Variants in R3HDM2 observed in about 807,000 individuals in gnomAD.
R3HDM2 encodes the protein R3H domain-containing protein 2.
A neutral mutation model predicts 124.5 loss-of-function variants in R3HDM2; 38 were observed. The ratio of observed to expected loss-of-function variants is 0.31; its 90% confidence interval spans 0.24 to 0.40. The LOEUF (loss-of-function observed/expected upper bound fraction) is 0.40, where lower values mean the gene tolerates loss of function less well. Ranked by LOEUF, R3HDM2 falls within the 10% of genes least tolerant of loss-of-function variation. R3HDM2 has a pLI of 1.00. For missense variants in R3HDM2, 869 were observed against 1,236.9 expected (o/e 0.70, Z 4.46); for synonymous variants, 391 against 448.0 (o/e 0.87, Z 1.61).
At chr12:57,255,713 G>A (rs925518787) in intron 23 of R3HDM2, among the ~76,000 whole-genome samples, 1 of 152,184 alleles carries the variant, frequency 6.6e-6, no homozygotes, top group Non-Finnish European at 1.5e-5. Flanking sequence ...TCGTAGATTA[G>A]GGACAGGACA....
Position 57,300,184 on chromosome 12 carries a change from G to GAA in R3HDM2, c.208-5_208-4dup. On this transcript the variant is annotated splice_polypyrimidine_tract_variant and splice_region_variant and intron_variant, in intron 4 of 23. Transcript: ENST00000402412. ...ACCAACTTTAGCTTGGAATTAGACT[G>GAA]AAAAAAACAAAAAACAATTTTCAAT... 1 of 1,548,034 alleles carries GAA rather than the reference G, an allele frequency of 6.5e-7. No homozygotes were observed. The highest frequency in any genetic ancestry group is 8.7e-7 in the Non-Finnish European group (1 of 1,145,342).
At position 57,296,160 on chromosome 12, in the gene R3HDM2, G is replaced by A. The variant is rs1397863481; in HGVS notation, c.701+251C>T. On this transcript the variant is annotated intron_variant, in intron 9 of 23. Transcript: ENST00000402412. This position sits in a 1 kb window ranked among gnomAD's most constrained non-coding sequence, Gnocchi z 4.5. ...TGGGATTACAGGCGTCAGCCACTGC[G>A]CCCGGCCATTTTTAAACTTTTTTTT... 6.6e-6 allele frequency among the ~76,000 whole-genome samples: 1 copy of A among 151,778 alleles called. No individual in the cohort carries two copies. Among genetic ancestry groups the A allele is most frequent in the African/African-American group, 2.4e-5 (1 of 41,356 alleles).
At chr12:57,430,497 A>ACCC in intron 1 of R3HDM2, 1 of 381,586 alleles carries the variant, frequency 2.6e-6, no homozygotes. Context: ...CTGCCCCCGC[A>ACCC]CCGCCGCCCT....
chr12:57,415,530 T>C (rs1314086481), intron 1 of R3HDM2: 3 of 152,010 alleles, frequency 2.0e-5, no homozygotes, highest in South Asian at 2.1e-4. Flanking sequence ...CACAGCTGTT[T>C]CTTAATTTTT....
At chr12:57,340,386 A>C (rs557547411) in intron 2 of R3HDM2, among the ~76,000 whole-genome samples, 40 of 152,302 alleles carry the variant, frequency 2.6e-4, no homozygotes, top group African/African-American at 9.4e-4. Context: ...TCAAGATGCA[A>C]GGATGTGGTG....
chr12:57,270,814 C>T (rs953834742), intron 14 of R3HDM2, among the ~76,000 whole-genome samples: 1 of 152,040 alleles, frequency 6.6e-6, no homozygotes, highest in Non-Finnish European at 1.5e-5. Flanking sequence ...AGTGATCAGC[C>T]CGCCTCAGCC....
At chr12:57,382,024 T>G (rs2064963950) in intron 2 of R3HDM2, among the ~76,000 whole-genome samples, 1 of 151,914 alleles carries the variant, frequency 6.6e-6, no homozygotes, top group Non-Finnish European at 1.5e-5. Flanking sequence ...TCTCCCTATG[T>G]TGCCCAGGCT....
At chr12:57,331,856 G>A (rs914385379) in intron 2 of R3HDM2, among the ~76,000 whole-genome samples, 1 of 151,672 alleles carries the variant, frequency 6.6e-6, no homozygotes, top group South Asian at 2.1e-4. Context: ...GGAGCTTGCA[G>A]TGAGCCAAGA....
At chr12:57,410,386 G>C (rs1480248022) in intron 1 of R3HDM2, among the ~76,000 whole-genome samples, 1 of 148,226 alleles carries the variant, frequency 6.7e-6, no homozygotes, top group Non-Finnish European at 1.5e-5. Context: ...AATTACTAAG[G>C]TTCTCCTCAA....
At chr12:57,310,178 C>G in intron 3 of R3HDM2, 86 bp downstream of exon 3, 1 of 1,004,796 alleles carries the variant, frequency 1.0e-6, no homozygotes, top group Non-Finnish European at 1.4e-6. Flanking sequence ...CCACTGCACT[C>G]CAGGTTGGGT....
chr12:57,360,308 A>G (rs781235065), intron 2 of R3HDM2, among the ~76,000 whole-genome samples: 3 of 152,072 alleles, frequency 2.0e-5, no homozygotes, highest in African/African-American at 4.8e-5. Context: ...GATTACAGGC[A>G]TGAGCCACTG....
At chr12:57,295,322 C>T in intron 10 of R3HDM2, 77 bp downstream of exon 10, 1 of 973,120 alleles carries the variant, frequency 1.0e-6, no homozygotes, top group Non-Finnish European at 1.6e-6. Flanking sequence ...TTTCTCCATC[C>T]CACAAAAATT....
chr12:57,390,107 G>A (rs1345538810), intron 2 of R3HDM2, among the ~76,000 whole-genome samples: 1 of 151,794 alleles, frequency 6.6e-6, no homozygotes, highest in Non-Finnish European at 1.5e-5. Flanking sequence ...TACAGGTTGG[G>A]GGAGGGGATT....
chr12:57,348,693 C>CAAAAAAA lies in R3HDM2; in HGVS notation c.-35-38237_-35-38231dup, dbSNP rs1168127324. Among the ~76,000 whole-genome samples, 34 of 25,136 alleles carry CAAAAAAA rather than the reference C, an allele frequency of 1.4e-3. 1 individual carries two copies. Among genetic ancestry groups the CAAAAAAA allele is most frequent in the African/African-American group, 4.3e-3 (26 of 6,072 alleles). 16.5% of individuals were successfully genotyped at this position (25,136 alleles called of 152,430 possible). A position where few individuals can be genotyped will look rare whatever the true frequency, so the allele number is the denominator to read the frequency against. ...TGGGCGACAGAGCGAGACTCCGTCT[C>CAAAAAAA]AAAAAAAAAAAAAAAAAAAAAAAAA... is the stretch of plus-strand genomic sequence containing the variant. On this transcript the variant is annotated intron_variant, in intron 2 of 23. Coordinates refer to ENST00000402412, the MANE Select transcript of R3HDM2 (RefSeq NM_001394031.1).
At chr12:57,271,415 C>T (rs1022290559) in intron 14 of R3HDM2, among the ~76,000 whole-genome samples, 3 of 151,218 alleles carry the variant, frequency 2.0e-5, no homozygotes, top group Non-Finnish European at 4.4e-5. Flanking sequence ...CTTCCTTTTC[C>T]CTTCTGCTCC....
intron 2 of R3HDM2, among the ~76,000 whole-genome samples, chr12:57,369,798 A>G (rs554935350): frequency 4.6e-5 from 7 of 152,274 alleles, no homozygotes; most frequent in African/African-American, 7.2e-5. Context: ...TCTGGAATTT[A>G]AAAATATATA....
At position 57,424,372 on chromosome 12, in the gene R3HDM2, G is replaced by A. The variant is rs984604403; in HGVS notation, c.-106+6348C>T. Among the ~76,000 whole-genome samples, 175 of 151,888 alleles carry A rather than the reference G, an allele frequency of 1.2e-3. 1 individual carries two copies. The highest frequency in any genetic ancestry group is 9.0e-4 in the Non-Finnish European group (61 of 67,968). ...AGATGGGGTTTCATTATGTTAGCCA[G>A]GCTGGTCTTGAACTCCTGACCTCAA... On this transcript the variant is annotated intron_variant, in intron 1 of 23. Coordinates refer to ENST00000402412, the MANE Select transcript of R3HDM2 (RefSeq NM_001394031.1).
intron 1 of R3HDM2, among the ~76,000 whole-genome samples, chr12:57,421,342 G>A (rs994310597): frequency 6.6e-6 from 1 of 150,446 alleles, no homozygotes; most frequent in African/African-American, 2.5e-5. Context: ...GTAGAGATGG[G>A]TTTCTCCATG....
intron 1 of R3HDM2, among the ~76,000 whole-genome samples, chr12:57,408,941 C>T (rs1351895914): frequency 6.6e-6 from 1 of 151,506 alleles, no homozygotes; most frequent in African/African-American, 2.4e-5. Flanking sequence ...ACTTCTTCCA[C>T]GATGCCTTTC....
Sources: gnomAD v4.1 joint callset for allele counts (sites outside exome capture counted in the v4.1 genomes callset) on GRCh38, gnomAD v4.1.1 for gene constraint, Gnocchi (gnomAD v3.1) non-coding constraint, MANE v1.5 for transcripts, NCBI Gene and HGNC (gene_info 2026-07-23, HGNC 2026-07-21) for gene names.